GABRA5: variants seen among roughly 807,000 people sequenced by gnomAD.
The protein encoded by GABRA5 is gamma-aminobutyric acid type A receptor subunit alpha5, also known as gamma-aminobutyric acid receptor subunit alpha-5.
In GABRA5, 18 loss-of-function variants were observed where a neutral mutation model predicts 47.3. The ratio of observed to expected loss-of-function variants is 0.38; its 90% CI spans 0.26 to 0.56. The LOEUF is 0.56. Ranked by LOEUF, GABRA5 falls within the 20% of genes least tolerant of loss-of-function variation. The pLI, the probability that GABRA5 is intolerant of heterozygous loss-of-function variation, is 0.71. For missense variants in GABRA5, 365 were observed against 599.3 expected (o/e 0.61, Z 4.08); for synonymous variants, 237 against 229.3 (o/e 1.03, Z -0.30).
rs1455569988 is a variant in GABRA5, at chr15:26,871,802, C to T, written c.86+2468C>T. Among the ~76,000 whole-genome samples the T allele has an allele frequency of 2.6e-5, 4 of 152,330 alleles. No homozygotes were observed. The East Asian group carries it at 7.7e-4, about 29-fold the overall frequency. On this transcript the variant is annotated intron_variant, in intron 3 of 10. Transcript: ENST00000335625. ...GGGCAAGAGCGCCTTGTGTTAGCTTCTTCCCTAATTGGGGATGTTTACGTA... is the reference window on the plus strand; with the variant it reads ...GGGCAAGAGCGCCTTGTGTTAGCTTTTTCCCTAATTGGGGATGTTTACGTA...
At chr15:26,909,580 G>A (rs1893530043) in intron 6 of GABRA5, among the ~76,000 whole-genome samples, 1 of 152,194 alleles carries the variant, frequency 6.6e-6, no homozygotes, top group African/African-American at 2.4e-5. Flanking sequence ...GGGAGAGGCT[G>A]TTTCTTGCCT....
chr15:26,942,912 C>T (rs28517430), intron 9 of GABRA5, among the ~76,000 whole-genome samples: 2,654 of 152,140 alleles, frequency 0.017, 69 homozygotes, highest in African/African-American at 0.057. Flanking sequence ...GGCAAAACCT[C>T]GTCTCTATTA....
chr15:26,945,486 T>C (rs1377238293), intron 10 of GABRA5, among the ~76,000 whole-genome samples: 1 of 152,128 alleles, frequency 6.6e-6, no homozygotes, highest in African/African-American at 2.4e-5. Context: ...GAGGAAGAGA[T>C]CGAACCATGA....
chr15:26,905,278 C>G (rs900249631), intron 6 of GABRA5, among the ~76,000 whole-genome samples: 8 of 59,100 alleles, frequency 1.4e-4, no homozygotes, highest in African/African-American at 4.1e-4. Context: ...TCTTGGTTGA[C>G]AAGTTTTTTT....
At chr15:26,944,257 C>A (rs896803261) in intron 10 of GABRA5, among the ~76,000 whole-genome samples, 1 of 152,218 alleles carries the variant, frequency 6.6e-6, no homozygotes. Flanking sequence ...GAGCAGGAGG[C>A]CCTGGTTCCA....
intron 9 of GABRA5, 145 bp from the exon 10 acceptor site, chr15:26,943,070 C>G (rs1894422584): frequency 1.6e-6 from 1 of 643,076 alleles, no homozygotes; most frequent in South Asian, 2.1e-5. Context: ...GGCGACAGAG[C>G]AAGACTCTGT....
chr15:26,895,262 C>A (rs145102956), intron 6 of GABRA5, among the ~76,000 whole-genome samples: 1 of 152,002 alleles, frequency 6.6e-6, no homozygotes, highest in African/African-American at 2.4e-5. Flanking sequence ...ATTCTCTCTC[C>A]TATTAATATT....
chr15:26,870,592 A>G (rs571691152), intron 3 of GABRA5, among the ~76,000 whole-genome samples: 1 of 152,150 alleles, frequency 6.6e-6, no homozygotes, highest in Non-Finnish European at 1.5e-5. Flanking sequence ...GGGAAAGAGC[A>G]TTGGCCGTGG....
chr15:26,930,225 C>G (rs1894066639), intron 7 of GABRA5, among the ~76,000 whole-genome samples: 1 of 152,078 alleles, frequency 6.6e-6, no homozygotes. Context: ...ATTGGCCAGG[C>G]TGGTCACAAA....
intron 6 of GABRA5, among the ~76,000 whole-genome samples, chr15:26,899,671 T>A (rs1893280260): frequency 6.6e-6 from 1 of 152,226 alleles, no homozygotes; most frequent in South Asian, 2.1e-4. Context: ...CCACTTATTA[T>A]CATGTAATAT....
chr15:26,928,617 C>T (rs1054418909), intron 7 of GABRA5, among the ~76,000 whole-genome samples: 11 of 152,052 alleles, frequency 7.2e-5, no homozygotes, highest in African/African-American at 2.2e-4. Context: ...AGAGCTCTCC[C>T]GTCCCTTCTG....
In GABRA5 at chr15:26,922,744, T is replaced by C. The variant is rs563086328; in HGVS notation, c.580+7859T>C. 2.0e-5 allele frequency among the ~76,000 whole-genome samples: 3 copies of C among 152,302 alleles called. No homozygotes were observed. The South Asian group carries it at 6.2e-4, about 32-fold the overall frequency. Reference sequence around the variant, plus strand: ...TGTATAGCTTTTTCAGTGGTTCTTCTAGGTGTTACTTACTTAATTAACTAA... The same window carrying C: ...TGTATAGCTTTTTCAGTGGTTCTTCCAGGTGTTACTTACTTAATTAACTAA... On this transcript the variant is annotated intron_variant, in intron 7 of 10. Coordinates refer to ENST00000335625, the MANE Select transcript of GABRA5 (RefSeq NM_000810.4).
At position 26,883,298 on chromosome 15, in the gene GABRA5, C is replaced by T. The variant is rs916227206; in HGVS notation, c.277-39C>T. ...CGCGCCGCAGGCCCCCGCCCAGGCC[C>T]CGTGCCCTCTGACTGCCTCGTGCCT... On this transcript the variant is annotated intron_variant, in intron 5 of 10. Coordinates refer to ENST00000335625, the MANE Select transcript of GABRA5 (RefSeq NM_000810.4). This position sits in a 1 kb window ranked among gnomAD's most constrained non-coding sequence, Gnocchi z 4.8. The T allele has an allele frequency of 5.0e-6, 8 of 1,612,104 alleles. No homozygotes were observed. The highest frequency in any genetic ancestry group is 3.3e-5 in the South Asian group (3 of 91,056).
chr15:26,922,027 T>A (rs1473009710), intron 7 of GABRA5, among the ~76,000 whole-genome samples: 2 of 152,172 alleles, frequency 1.3e-5, no homozygotes, highest in Non-Finnish European at 2.9e-5. Context: ...ACTTGATATT[T>A]ATTCTGTGAA....
At position 26,948,034 on chromosome 15, in the gene GABRA5, C is replaced by T. The variant is rs565602814; in HGVS notation, c.1190C>T (p.Thr397Met). The change falls in exon 11 of 11, where the codon ACG becomes ATG. Residue 397 changes from threonine to methionine, a missense_variant. By Grantham distance (81) the Thr-to-Met change is moderately conservative (BLOSUM62 -1). Coordinates refer to ENST00000335625, the MANE Select transcript of GABRA5 (RefSeq NM_000810.4). ...NIPKEQTPAGTSNTTSVSVKP... is the reference protein window; with the variant it reads ...NIPKEQTPAGMSNTTSVSVKP... ...CCGAAGGAACAGACCCCAGCAGGGA[C>T]GTCGAATACAACCTCAGTCTCAGTA... The T allele has an allele frequency of 2.1e-5, 33 of 1,605,958 alleles. No homozygotes were observed. The highest frequency in any genetic ancestry group is 2.5e-5 in the Non-Finnish European group (29 of 1,176,038).
At chr15:26,890,064 C>T (rs1892968065) in intron 6 of GABRA5, among the ~76,000 whole-genome samples, 2 of 152,190 alleles carry the variant, frequency 1.3e-5, no homozygotes, top group Non-Finnish European at 2.9e-5. Flanking sequence ...CACATCCCAT[C>T]ATGTGGTTAT....
intron 6 of GABRA5, among the ~76,000 whole-genome samples, chr15:26,913,061 A>G (rs1351163504): frequency 1.3e-5 from 2 of 151,142 alleles, no homozygotes; most frequent in African/African-American, 4.9e-5. Context: ...TCAGGCGTCT[A>G]TAATCCCAGC....
rs141352801 is a variant in GABRA5 at position 26,915,795 on chromosome 15, G to A, written c.580+910G>A. Among the ~76,000 whole-genome samples the A allele has an allele frequency of 6.8e-3, 1,036 of 152,184 alleles. 23 individuals are homozygous for A. In the East Asian group the frequency reaches 0.098, roughly 14 times the overall value. On this transcript the variant is annotated intron_variant, in intron 7 of 10. Coordinates refer to ENST00000335625, the MANE Select transcript of GABRA5 (RefSeq NM_000810.4). ...TGAAAACTGTGTGGGTTTGAATCCT[G>A]GCTATCCCACTCCTCTGCTGAGTAA...
intron 7 of GABRA5, among the ~76,000 whole-genome samples, chr15:26,917,217 A>T (rs1027480757): frequency 3.3e-5 from 5 of 152,104 alleles, no homozygotes; most frequent in African/African-American, 1.2e-4. Context: ...GGATTTTCAT[A>T]TGTGGCATTT....
Sources: gnomAD v4.1 joint callset for allele counts (sites outside exome capture counted in the v4.1 genomes callset) on GRCh38, gnomAD v4.1.1 for gene constraint, Gnocchi (gnomAD v3.1) non-coding constraint, MANE v1.5 for transcripts, NCBI Gene and HGNC (gene_info 2026-07-23, HGNC 2026-07-21) for gene names.